The following CNOT6 variants were observed in gnomAD, a reference collection of about 807,000 sequenced individuals.
CNOT6 encodes the protein carbon catabolite repression 4 protein.
Under a neutral mutation model 61.2 loss-of-function variants are expected in CNOT6, and 12 were observed. The ratio of observed to expected loss-of-function variants is 0.20; its 90% CI spans 0.13 to 0.32. The LOEUF is 0.32. Among genes scored for constraint, CNOT6 ranks in the 10% least tolerant of loss-of-function variants. The pLI, the probability that CNOT6 is intolerant of heterozygous loss-of-function variation, is 1.00. For synonymous variants in CNOT6, 225 were observed against 240.6 expected, an observed-to-expected ratio of 0.94 and a Z score of 0.60; for missense variants, 405 against 663.9, an observed-to-expected ratio of 0.61 and a Z score of 4.28.
chr5:180,504,252 G>A (rs1165697646), intron 1 of CNOT6, among the ~76,000 whole-genome samples: 1 of 152,176 alleles, frequency 6.6e-6, no homozygotes, highest in Non-Finnish European at 1.5e-5. Context: ...CATTATCAGT[G>A]GCCTTAGAGT....
rs185239080 is a variant in CNOT6 at position 180,498,157 on chromosome 5, G to A, written c.-3+3394G>A. ...TTTGGTACTTGAATAAGTAATTAGC[G>A]AGGTGGGGGGTTATTTGATCCAAGA... On this transcript the variant is annotated intron_variant, in intron 1 of 11. Coordinates refer to ENST00000261951, the MANE Select transcript of CNOT6 (RefSeq NM_001370472.1). 2.8e-3 allele frequency among the ~76,000 whole-genome samples: 430 copies of A among 152,170 alleles called. 2 individuals carry two copies. Among genetic ancestry groups the A allele is most frequent in the Non-Finnish European group, 3.4e-3 (234 of 68,018 alleles).
chr5:180,505,169 C>CCAT (rs1252716209), intron 1 of CNOT6, among the ~76,000 whole-genome samples: 1 of 147,084 alleles, frequency 6.8e-6, no homozygotes. Context: ...ACCGTGTTAG[C>CCAT]CATCCTGGTC....
chr5:180,505,796 C>A (rs1014140766), intron 1 of CNOT6, among the ~76,000 whole-genome samples: 2 of 151,082 alleles, frequency 1.3e-5, no homozygotes, highest in Non-Finnish European at 3.0e-5. Context: ...GATCCGCCTG[C>A]CTTGGCCTCC....
At position 180,505,328 on chromosome 5, in the gene CNOT6, T is replaced by C. The variant is rs1344636520; in HGVS notation, c.-3+10565T>C. 2.5e-5 allele frequency among the ~76,000 whole-genome samples: 3 copies of C among 117,820 alleles called. No individual in the cohort carries two copies. The East Asian group carries it at 7.4e-4, about 29-fold the overall frequency. The allele number at this position is 117,820 out of a possible 152,430, so 77.3% of individuals were successfully genotyped here. A position where few individuals can be genotyped will look rare whatever the true frequency, so the allele number is the denominator to read the frequency against. ...TGGACTGCAGTGGCGCGATCTCGGCTCACTGCAAGCTCCACCTCCCAGGTT... is the reference window on the plus strand; with the variant it reads ...TGGACTGCAGTGGCGCGATCTCGGCCCACTGCAAGCTCCACCTCCCAGGTT... On this transcript the variant is annotated intron_variant, in intron 1 of 11. Transcript: ENST00000261951.
chr5:180,574,351 G>C lies in CNOT6; in HGVS notation c.*151G>C. The C allele has an allele frequency of 1.5e-6, 1 of 669,496 alleles. No individual in the cohort carries two copies. Among genetic ancestry groups the C allele is most frequent in the Non-Finnish European group, 2.6e-6 (1 of 388,786 alleles). The allele number at this position is 669,496 out of a possible 1,614,324, so 41.5% of individuals were successfully genotyped here. A position where few individuals can be genotyped will look rare whatever the true frequency, so the allele number is the denominator to read the frequency against. On this transcript the variant is annotated 3_prime_UTR_variant, in exon 12 of 12. Coordinates refer to ENST00000261951, the MANE Select transcript of CNOT6 (RefSeq NM_001370472.1). Reference sequence around the variant, plus strand: ...TATTTGATAAGGATATAGTATGAAAGCCAGGTGCTAGCAACAGACAAATTC... The same window carrying C: ...TATTTGATAAGGATATAGTATGAAACCCAGGTGCTAGCAACAGACAAATTC...
chr5:180,515,732 AG>A (rs1258162560), intron 1 of CNOT6, among the ~76,000 whole-genome samples: 4 of 152,010 alleles, frequency 2.6e-5, no homozygotes, highest in East Asian at 1.9e-4. Flanking sequence ...CTAAAAAAAA[AG>A]GGGGTCTTTC....
At chr5:180,563,110 A>C (rs1038089955) in intron 4 of CNOT6, among the ~76,000 whole-genome samples, 5 of 152,170 alleles carry the variant, frequency 3.3e-5, no homozygotes, top group Admixed American at 6.5e-5. Context: ...CATCCATGCA[A>C]CTCAGCTTCT....
chr5:180,527,707 G>T (rs1380602331), intron 1 of CNOT6, among the ~76,000 whole-genome samples: 2 of 152,124 alleles, frequency 1.3e-5, no homozygotes, highest in East Asian at 3.9e-4. Context: ...ATGTCTGGTT[G>T]TCCTAACGAT....
chr5:180,548,565 C>T (rs1050133191), intron 2 of CNOT6, among the ~76,000 whole-genome samples: 1 of 152,180 alleles, frequency 6.6e-6, no homozygotes, highest in African/African-American at 2.4e-5. Context: ...ACCTGGGATT[C>T]CCCTCCTTGG....
Position 180,564,471 on chromosome 5 carries a change from T to C in CNOT6, c.386-18T>C. ...TTATTACTTAGTTTCATTTTACTTA[T>C]TTCAAAAATATTTCCAGGAAATCCC... On this transcript the variant is annotated intron_variant, in intron 4 of 11. Coordinates refer to ENST00000261951, the MANE Select transcript of CNOT6 (RefSeq NM_001370472.1). The C allele has an allele frequency of 1.9e-6, 3 of 1,540,678 alleles. No individual in the cohort carries two copies. Among genetic ancestry groups the C allele is most frequent in the East Asian group, 2.2e-5 (1 of 44,478 alleles).
At chr5:180,538,245 T>C (rs925277222) in intron 2 of CNOT6, among the ~76,000 whole-genome samples, 2 of 151,664 alleles carry the variant, frequency 1.3e-5, no homozygotes, top group Non-Finnish European at 2.9e-5. Context: ...TTCACTGTGT[T>C]AGCCAGGATG....
intron 2 of CNOT6, among the ~76,000 whole-genome samples, chr5:180,536,262 G>A (rs1389088890): frequency 1.3e-5 from 2 of 151,946 alleles, no homozygotes; most frequent in African/African-American, 2.4e-5. Context: ...GCCTCCCAAA[G>A]TGCTGGGATT....
chr5:180,541,440 A>ATTTTTTTTTTTTT lies in CNOT6; in HGVS notation c.113-8491_113-8490insTTTTTTTTTTTTT, dbSNP rs1176286473. 2.6e-4 allele frequency among the ~76,000 whole-genome samples: 27 copies of ATTTTTTTTTTTTT among 102,918 alleles called. 8 individuals are homozygous for ATTTTTTTTTTTTT. The highest frequency in any genetic ancestry group is 2.9e-4 in the African/African-American group (8 of 27,374). 67.5% of individuals were successfully genotyped at this position (102,918 alleles called of 152,430 possible). On this transcript the variant is annotated intron_variant, in intron 2 of 11. Coordinates refer to ENST00000261951, the MANE Select transcript of CNOT6 (RefSeq NM_001370472.1). ...CATGAACCACCACAACTGGCCAAGA[A>ATTTTTTTTTTTTT]ATTTTTTTTTTTTTTTTTTTTTTTT...
At chr5:180,564,374 A>G in intron 4 of CNOT6, 115 bp from the exon 5 acceptor site, 1 of 592,982 alleles carries the variant, frequency 1.7e-6, no homozygotes, top group Non-Finnish European at 3.0e-6. Context: ...ATAGTCTGAC[A>G]TCTTACTAGT....
chr5:180,564,581 A>G lies in CNOT6; in HGVS notation c.478A>G (p.Thr160Ala), dbSNP rs1305013759. Residue 160 changes from threonine (T) to alanine (A), a missense_variant, in exon 5 of 12, where the codon ACT (threonine) becomes GCT (alanine). By Grantham distance (58) the Thr-to-Ala change is moderately conservative. Around this residue, in one of 5 missense-constraint regions of CNOT6, gnomAD observed 212 missense variants for 307.1 expected, o/e 0.69. Transcript: ENST00000261951. ...LNYLLDNLSG[T>A]AKRITTEQPP... Reference sequence around the variant, plus strand: ...CTATTTGCTTGATAATTTGTCAGGTACTGCAAAAAGAAGTAAGTGGTTATT... The same window carrying G: ...CTATTTGCTTGATAATTTGTCAGGTGCTGCAAAAAGAAGTAAGTGGTTATT... The G allele has an allele frequency of 6.2e-7, 1 of 1,613,492 alleles. No individual in the cohort carries two copies. The highest frequency in any genetic ancestry group is 2.2e-5 in the East Asian group (1 of 44,854).
intron 2 of CNOT6, among the ~76,000 whole-genome samples, chr5:180,533,676 A>G (rs988776618): frequency 6.6e-6 from 1 of 152,116 alleles, no homozygotes; most frequent in Admixed American, 6.5e-5. Context: ...TAGCCTCCCA[A>G]AGTGCTGGTA....
chr5:180,567,960 T>C lies in CNOT6; in HGVS notation c.984T>C (p.Val328=). 6.2e-7 allele frequency: 1 copy of C among 1,613,406 alleles called. No individual in the cohort carries two copies. The highest frequency in any genetic ancestry group is 8.5e-7 in the Non-Finnish European group (1 of 1,179,376). ...NRVMTKDNIG[V]AVLLELRKES... ...TCATGACAAAAGATAACATTGGGGT[T>C]GCAGTACTGCTAGAACTTCGGAAGG... is the stretch of plus-strand genomic sequence containing the variant. Residue 328 remains valine (V), a synonymous_variant, in exon 9 of 12, where the codon GTT becomes GTC. Transcript: ENST00000261951.
chr5:180,512,943 T>C (rs1351332867), intron 1 of CNOT6, among the ~76,000 whole-genome samples: 1 of 151,980 alleles, frequency 6.6e-6, no homozygotes, highest in Non-Finnish European at 1.5e-5. Context: ...TCGCCCAGGC[T>C]GGAGTGCAGT....
At chr5:180,526,223 GAA>G (rs1260137809) in intron 1 of CNOT6, among the ~76,000 whole-genome samples, 1 of 138,776 alleles carries the variant, frequency 7.2e-6, no homozygotes, top group Non-Finnish European at 1.7e-5. Context: ...GCTATAGAGA[GAA>G]TGAGAGAAGC....
Sources: gnomAD v4.1 joint callset for allele counts (sites outside exome capture counted in the v4.1 genomes callset) on GRCh38, gnomAD v4.1.1 for gene constraint, gnomAD v4.1.1 regional missense constraint, MANE v1.5 for transcripts, NCBI Gene and HGNC (gene_info 2026-07-23, HGNC 2026-07-21) for gene names.